FAM107B: variants seen among roughly 807,000 people sequenced by gnomAD.
The protein encoded by FAM107B is protein FAM107B.
FAM107B carries 21 observed loss-of-function variants against 31.5 expected under a neutral mutation model. The ratio of observed to expected loss-of-function variants is 0.67; its 90% confidence interval spans 0.47 to 0.96. FAM107B has a LOEUF of 0.96. Among genes scored for constraint, FAM107B ranks in the 40% least tolerant of loss-of-function variants. FAM107B has a pLI of 0.00. For synonymous variants in FAM107B, 157 were observed against 141.5 expected, an observed-to-expected ratio of 1.11 and a Z score of -0.78; for missense variants, 452 against 377.1, an observed-to-expected ratio of 1.20 and a Z score of -1.64.
chr10:14,704,802 T>C (rs562124218), intron 1 of FAM107B, among the ~76,000 whole-genome samples: 1 of 152,142 alleles, frequency 6.6e-6, no homozygotes, highest in South Asian at 2.1e-4. Context: ...GGCGGGTAGA[T>C]TATTTGAGAT....
intron 1 of FAM107B, among the ~76,000 whole-genome samples, chr10:14,760,137 T>G (rs895506506): frequency 1.6e-4 from 25 of 152,338 alleles, no homozygotes; most frequent in African/African-American, 5.8e-4. Context: ...CAAGATAATT[T>G]TTTTCCCTTG....
At chr10:14,668,234 G>A (rs1034952376) in intron 1 of FAM107B, among the ~76,000 whole-genome samples, 7 of 151,896 alleles carry the variant, frequency 4.6e-5, no homozygotes, top group Non-Finnish European at 1.0e-4. Flanking sequence ...TAGTAGAGAC[G>A]GGGTTTCACC....
At chr10:14,631,154 C>G (rs1009496805) in intron 2 of FAM107B, among the ~76,000 whole-genome samples, 10 of 152,150 alleles carry the variant, frequency 6.6e-5, no homozygotes, top group African/African-American at 1.4e-4. Flanking sequence ...TTGTAATTAT[C>G]TCACATCTTT....
At chr10:14,765,732 T>C (rs1245332919) in intron 1 of FAM107B, among the ~76,000 whole-genome samples, 17 of 152,220 alleles carry the variant, frequency 1.1e-4, no homozygotes, top group Admixed American at 1.1e-3. Context: ...TCAAACAATA[T>C]GTTTAACAGA....
chr10:14,537,339 G>A (rs1847723328), intron 2 of FAM107B, among the ~76,000 whole-genome samples: 1 of 152,190 alleles, frequency 6.6e-6, no homozygotes, highest in Non-Finnish European at 1.5e-5. Context: ...TCCTCATACG[G>A]CCCATGAGGC....
At chr10:14,737,133 G>A (rs1217727031) in intron 1 of FAM107B, among the ~76,000 whole-genome samples, 4 of 152,128 alleles carry the variant, frequency 2.6e-5, no homozygotes, top group South Asian at 4.1e-4. Flanking sequence ...TCTTGTCAGC[G>A]CTCTGAGAAA....
intron 2 of FAM107B, among the ~76,000 whole-genome samples, chr10:14,625,921 G>T (rs1253063281): frequency 1.4e-5 from 2 of 139,748 alleles, no homozygotes; most frequent in East Asian, 2.3e-4. Context: ...AGGCTTAAAA[G>T]GAGAAGTCGT....
intron 2 of FAM107B, among the ~76,000 whole-genome samples, chr10:14,648,744 A>G (rs4489642): frequency 0.19 from 29,187 of 152,252 alleles, 2,978 homozygotes; most frequent in South Asian, 0.26. Flanking sequence ...TGTTCTCTTC[A>G]TCTTCAGAAC....
chr10:14,604,601 C>T (rs1382193406), intron 2 of FAM107B, among the ~76,000 whole-genome samples: 1 of 151,836 alleles, frequency 6.6e-6, no homozygotes, highest in African/African-American at 2.4e-5. Flanking sequence ...CGCTCGGCCT[C>T]CGGGACTCGG....
intron 2 of FAM107B, among the ~76,000 whole-genome samples, chr10:14,540,286 A>C (rs1848049091): frequency 6.6e-6 from 1 of 152,220 alleles, no homozygotes; most frequent in African/African-American, 2.4e-5. Context: ...TCTGGTAAGA[A>C]GTGCCTGTGC....
chr10:14,576,139 G>T (rs764712859), intron 2 of FAM107B, among the ~76,000 whole-genome samples: 6 of 152,222 alleles, frequency 3.9e-5, no homozygotes, highest in Non-Finnish European at 7.3e-5. Flanking sequence ...TTGGGATGAT[G>T]AAAAAGTTCT....
At chr10:14,771,233 T>C (rs1833295538) in intron 1 of FAM107B, among the ~76,000 whole-genome samples, 1 of 152,154 alleles carries the variant, frequency 6.6e-6, no homozygotes, top group Non-Finnish European at 1.5e-5. Flanking sequence ...CGGCAAAGCT[T>C]TGTCACTCAC....
At chr10:14,745,555 T>G (rs1416253586) in intron 1 of FAM107B, among the ~76,000 whole-genome samples, 1 of 152,224 alleles carries the variant, frequency 6.6e-6, no homozygotes, top group Non-Finnish European at 1.5e-5. Flanking sequence ...AATTTCATTA[T>G]TTACCCAGGA....
chr10:14,584,736 AC>A (rs1237123410), intron 2 of FAM107B, among the ~76,000 whole-genome samples: 2 of 152,078 alleles, frequency 1.3e-5, no homozygotes, highest in African/African-American at 2.4e-5. Context: ...GATAACCCCA[AC>A]TTTCCACACC....
intron 3 of FAM107B, among the ~76,000 whole-genome samples, chr10:14,523,362 A>G (rs918291330): frequency 2.0e-5 from 3 of 152,242 alleles, no homozygotes; most frequent in Non-Finnish European, 2.9e-5. Flanking sequence ...AGCGCTTTCA[A>G]TTTCAGGCAG....
intron 2 of FAM107B, among the ~76,000 whole-genome samples, chr10:14,566,663 T>C (rs1850694005): frequency 6.6e-6 from 1 of 152,228 alleles, no homozygotes; most frequent in African/African-American, 2.4e-5. Flanking sequence ...TCATTTGCTG[T>C]GTAGCAGTAG....
rs373448866 is a variant in FAM107B at position 14,734,298 on chromosome 10, C to T, written c.411+39955G>A. Among the ~76,000 whole-genome samples the T allele has an allele frequency of 1.5e-3, 226 of 152,204 alleles. 3 individuals carry two copies. Among genetic ancestry groups the T allele is most frequent in the African/African-American group, 5.3e-3 (221 of 41,510 alleles). The stretch of plus-strand genomic sequence containing the variant: ...GCTCTCATCCACACCAGAACTGTCC[C>T]GCACCAACTGCAGCCCAATTATATT... On this transcript the variant is annotated intron_variant, in intron 1 of 4. Transcript: ENST00000181796.
intron 2 of FAM107B, among the ~76,000 whole-genome samples, chr10:14,532,241 G>A (rs540524287): frequency 2.0e-5 from 3 of 152,104 alleles, no homozygotes; most frequent in African/African-American, 7.2e-5. Context: ...TTCCTCAAAT[G>A]TCACCTTCTC....
At chr10:14,735,604 T>C (rs1856281577) in intron 1 of FAM107B, among the ~76,000 whole-genome samples, 1 of 152,174 alleles carries the variant, frequency 6.6e-6, no homozygotes, top group Admixed American at 6.5e-5. Context: ...AGAATGACTC[T>C]AGGAAAAATT....
Sources: allele counts gnomAD v4.1 joint callset (sites outside exome capture counted in the v4.1 genomes callset), GRCh38; gene constraint gnomAD v4.1.1; transcripts MANE v1.5; gene names NCBI Gene and HGNC (gene_info 2026-07-23, HGNC 2026-07-21).